MCTP1: variants seen among roughly 807,000 people sequenced by gnomAD.
MCTP1 encodes multiple C2 and transmembrane domain-containing protein 1.
In MCTP1, 69 loss-of-function variants were observed where a neutral mutation model predicts 120.6. The observed-to-expected ratio is 0.57, with a 90% CI of 0.47 to 0.70. The LOEUF (loss-of-function observed/expected upper bound fraction) is 0.70, where lower values mean the gene tolerates loss of function less well. Ranked by LOEUF, MCTP1 falls within the 30% of genes least tolerant of loss-of-function variation. The pLI is 0.00. For synonymous variants in MCTP1, 529 were observed against 493.1 expected, an observed-to-expected ratio of 1.07 and a Z score of -0.96; for missense variants, 1,203 against 1,248.8, an observed-to-expected ratio of 0.96 and a Z score of 0.55.
At chr5:95,158,117 C>T (rs555393607) in intron 1 of MCTP1, among the ~76,000 whole-genome samples, 5 of 152,258 alleles carry the variant, frequency 3.3e-5, no homozygotes, top group Non-Finnish European at 4.4e-5. Flanking sequence ...GTAGACACAA[C>T]GAAAATGTTA....
chr5:94,941,420 C>A (rs536534932), intron 4 of MCTP1, among the ~76,000 whole-genome samples: 1 of 151,988 alleles, frequency 6.6e-6, no homozygotes, highest in Non-Finnish European at 1.5e-5. Flanking sequence ...ATTGGAAGAC[C>A]AATAAGCCAT....
chr5:95,183,647 C>A (rs1377470764), intron 1 of MCTP1, among the ~76,000 whole-genome samples: 1 of 151,888 alleles, frequency 6.6e-6, no homozygotes, highest in Non-Finnish European at 1.5e-5. Flanking sequence ...TAAAAATAAA[C>A]ATGCAAACAA....
intron 18 of MCTP1, among the ~76,000 whole-genome samples, chr5:94,780,302 T>C (rs1033197515): frequency 5.9e-5 from 9 of 151,988 alleles, no homozygotes; most frequent in African/African-American, 2.2e-4. Flanking sequence ...AATATTCTAT[T>C]GGTGTACACT....
intron 1 of MCTP1, among the ~76,000 whole-genome samples, chr5:95,058,744 T>C (rs143996390): frequency 4.3e-4 from 65 of 152,342 alleles, no homozygotes; most frequent in African/African-American, 1.5e-3. Context: ...ATTGTAGATC[T>C]TCCTGCTACA....
At chr5:95,267,897 C>G (rs1344509596) in intron 1 of MCTP1, among the ~76,000 whole-genome samples, 2 of 152,268 alleles carry the variant, frequency 1.3e-5, no homozygotes, top group African/African-American at 4.8e-5. Context: ...CAATCTTCCT[C>G]TAAGTGCTTC....
intron 2 of MCTP1, among the ~76,000 whole-genome samples, chr5:94,979,911 C>T (rs12187469): frequency 0.28 from 42,376 of 151,946 alleles, 7,421 homozygotes; most frequent in Middle Eastern, 0.39. Context: ...CACAACAAAT[C>T]ATGATTATAT....
chr5:94,715,009 A>G (rs113173700), intron 19 of MCTP1, 123 bp from the exon 20 acceptor site: 57 of 627,244 alleles, frequency 9.1e-5, no homozygotes, highest in African/African-American at 8.1e-4. Context: ...GTGGTTATAA[A>G]TGGATAATTG....
At chr5:95,000,530 C>A (rs997301643) in intron 2 of MCTP1, among the ~76,000 whole-genome samples, 1 of 151,776 alleles carries the variant, frequency 6.6e-6, no homozygotes, top group Non-Finnish European at 1.5e-5. Flanking sequence ...TAGGCCTTGG[C>A]TAATGTGTGT....
rs1009716105 is a variant in MCTP1, at chr5:94,771,694, T to C, written c.2610+7416A>G. The stretch of plus-strand genomic sequence containing the variant: ...GTGGGATGAAGTTAATAATGACAAA[T>C]GAGGAACTCAGATCTAGTGCTTTAA... On this transcript the variant is annotated intron_variant, in intron 19 of 22. Coordinates refer to ENST00000515393, the MANE Select transcript of MCTP1 (RefSeq NM_024717.7). Among the ~76,000 whole-genome samples the C allele has an allele frequency of 3.9e-5, 6 of 152,194 alleles. No individual in the cohort carries two copies. The East Asian group carries it at 9.6e-4, about 24-fold the overall frequency.
chr5:94,773,042 C>A (rs897433839), intron 19 of MCTP1, among the ~76,000 whole-genome samples: 1 of 152,164 alleles, frequency 6.6e-6, no homozygotes, highest in Non-Finnish European at 1.5e-5. Flanking sequence ...AGTATTTCTG[C>A]GGACTCAAAG....
At chr5:94,992,535 T>C (rs1025659) in intron 2 of MCTP1, among the ~76,000 whole-genome samples, 9,244 of 152,286 alleles carry the variant, frequency 0.061, 351 homozygotes, top group South Asian at 0.12. Context: ...TCAGTTCTCC[T>C]ACACAGTATC....
In MCTP1 at chr5:94,920,471, G is replaced by A. The variant is rs150772271; in HGVS notation, c.1273-2498C>T. On this transcript the variant is annotated intron_variant, in intron 7 of 22. Transcript: ENST00000515393. ...AAAAGCCAACAACTCGGCAGGGCGC[G>A]GTGGCTCACGCCTGTAATCCCAGCA... Among the ~76,000 whole-genome samples the A allele has an allele frequency of 5.7e-3, 869 of 152,060 alleles. 27 individuals are homozygous for A. The highest frequency in any genetic ancestry group is 0.047 in the Admixed American group (717 of 15,260).
rs532645094 is a variant in MCTP1 at position 94,984,954 on chromosome 5, TTAATA to T, written c.839-31598_839-31594del. ...ACATCAATGTCCTTTTACATCCAAT[TTAATA>T]TGAGTTCTGATGTAAATAAAATATC... is the stretch of plus-strand genomic sequence containing the variant. On this transcript the variant is annotated intron_variant, in intron 2 of 22. Transcript: ENST00000515393. Among the ~76,000 whole-genome samples the T allele has an allele frequency of 2.6e-5, 4 of 152,308 alleles. No homozygotes were observed. The South Asian group carries it at 6.2e-4, about 24-fold the overall frequency.
intron 17 of MCTP1, among the ~76,000 whole-genome samples, chr5:94,821,928 G>A (rs560984814): frequency 1.6e-4 from 24 of 152,162 alleles, no homozygotes; most frequent in Non-Finnish European, 7.4e-5. Context: ...TAGTAACTGT[G>A]AATTACGTTA....
intron 6 of MCTP1, chr5:94,930,878 A>G (rs1176564130): frequency 3.3e-5 from 5 of 152,176 alleles, no homozygotes; most frequent in Non-Finnish European, 7.4e-5. Flanking sequence ...ATTAGTGAAA[A>G]TCACAGTGAA....
intron 1 of MCTP1, among the ~76,000 whole-genome samples, chr5:95,250,822 C>G (rs886297650): frequency 5.3e-5 from 8 of 152,226 alleles, no homozygotes; most frequent in South Asian, 2.1e-4. Context: ...ATAAATATGT[C>G]TTAACACTAC....
chr5:95,121,971 A>C (rs1758278005), intron 1 of MCTP1, among the ~76,000 whole-genome samples: 1 of 149,466 alleles, frequency 6.7e-6, no homozygotes, highest in African/African-American at 2.4e-5. Flanking sequence ...CTGTACTCCT[A>C]TCTCTCACCA....
chr5:95,186,891 C>T (rs1462565529), intron 1 of MCTP1, among the ~76,000 whole-genome samples: 2 of 152,244 alleles, frequency 1.3e-5, no homozygotes, highest in African/African-American at 4.8e-5. Flanking sequence ...CATCCAGTGG[C>T]TTTTAATAAA....
At chr5:95,125,403 G>A (rs1328437925) in intron 1 of MCTP1, among the ~76,000 whole-genome samples, 8 of 152,062 alleles carry the variant, frequency 5.3e-5, no homozygotes, top group Admixed American at 3.3e-4. Context: ...GACCTTAGCT[G>A]CCACCTGAGT....
Sources: allele counts gnomAD v4.1 joint callset (sites outside exome capture counted in the v4.1 genomes callset), GRCh38; gene constraint gnomAD v4.1.1; transcripts MANE v1.5; gene names NCBI Gene and HGNC (gene_info 2026-07-23, HGNC 2026-07-21).